The following GRID2 variants were observed in gnomAD, a reference collection of about 807,000 sequenced individuals.
The protein encoded by GRID2 is glutamate receptor ionotropic, delta-2.
GRID2 carries 33 observed loss-of-function variants against 114.8 expected under a neutral mutation model. The ratio of observed to expected loss-of-function variants is 0.29; its 90% CI spans 0.22 to 0.38. GRID2 has a LOEUF of 0.38. GRID2 is among the 10% of genes least tolerant of loss of function. The probability of loss-of-function intolerance (pLI) is 1.00; values close to 1 mark genes in which losing one functional copy is unlikely to be tolerated. For missense variants in GRID2, 1,184 were observed against 1,257.7 expected, an observed-to-expected ratio of 0.94 and a Z score of 0.89; for synonymous variants, 505 against 449.9, an observed-to-expected ratio of 1.12 and a Z score of -1.55.
chr4:92,622,237 T>G (rs1259580053), intron 2 of GRID2, among the ~76,000 whole-genome samples: 1 of 151,798 alleles, frequency 6.6e-6, no homozygotes, highest in Non-Finnish European at 1.5e-5. Flanking sequence ...TTTCATATTT[T>G]CCTGTAATAT....
At position 92,802,892 on chromosome 4, in the gene GRID2, G is replaced by A. The variant is rs114653609; in HGVS notation, c.244+212606G>A. On this transcript the variant is annotated intron_variant, in intron 2 of 15. Coordinates refer to ENST00000282020, the MANE Select transcript of GRID2 (RefSeq NM_001510.4). Reference sequence around the variant, plus strand: ...AGAATAAGTCTGAACCACTAGGAATGGTATCACTGCTGCATTTTTCTATTT... The same window carrying A: ...AGAATAAGTCTGAACCACTAGGAATAGTATCACTGCTGCATTTTTCTATTT... Among the ~76,000 whole-genome samples, 1,393 of 151,940 alleles carry A rather than the reference G, an allele frequency of 9.2e-3. 16 individuals are homozygous for A. Among genetic ancestry groups the A allele is most frequent in the African/African-American group, 0.032 (1,328 of 41,474 alleles).
chr4:93,609,229 T>A (rs1038617154), intron 13 of GRID2, among the ~76,000 whole-genome samples: 1 of 85,642 alleles, frequency 1.2e-5, no homozygotes, highest in South Asian at 3.6e-4. Flanking sequence ...GTCAGATGAG[T>A]AGGTTGCAAA....
chr4:92,924,738 C>G (rs1051030890), intron 2 of GRID2, among the ~76,000 whole-genome samples: 4 of 152,240 alleles, frequency 2.6e-5, no homozygotes, highest in Middle Eastern at 3.4e-3. Context: ...GTCTGATATT[C>G]AGCCTTTCAT....
At chr4:93,149,401 T>C (rs1736540689) in intron 4 of GRID2, among the ~76,000 whole-genome samples, 1 of 151,780 alleles carries the variant, frequency 6.6e-6, no homozygotes. Flanking sequence ...TGGTGAGAAG[T>C]TGTCTCTAGT....
chr4:92,882,391 C>T (rs1004690095), intron 2 of GRID2, among the ~76,000 whole-genome samples: 1 of 152,080 alleles, frequency 6.6e-6, no homozygotes, highest in Non-Finnish European at 1.5e-5. Context: ...TTTTACAGAT[C>T]TTAGGAAGCA....
intron 1 of GRID2, among the ~76,000 whole-genome samples, chr4:92,429,351 G>T (rs1732323818): frequency 6.6e-6 from 1 of 152,124 alleles, no homozygotes; most frequent in Non-Finnish European, 1.5e-5. Flanking sequence ...TGTGAACTTT[G>T]TCTTTCTGCG....
chr4:93,293,289 A>G (rs1280739926), intron 8 of GRID2, among the ~76,000 whole-genome samples: 1 of 152,188 alleles, frequency 6.6e-6, no homozygotes, highest in Non-Finnish European at 1.5e-5. Flanking sequence ...CTGGACAGCT[A>G]TCTACATCCG....
At chr4:92,360,796 A>T (rs1728579411) in intron 1 of GRID2, among the ~76,000 whole-genome samples, 1 of 151,976 alleles carries the variant, frequency 6.6e-6, no homozygotes, top group African/African-American at 2.4e-5. Context: ...TATCTCTTAA[A>T]AAATCACATT....
intron 2 of GRID2, among the ~76,000 whole-genome samples, chr4:92,708,392 A>G (rs751287623): frequency 3.9e-5 from 6 of 152,086 alleles, no homozygotes; most frequent in African/African-American, 1.4e-4. Flanking sequence ...TTCTGTCGTT[A>G]TTTCCTGGGG....
At chr4:93,339,883 C>T (rs1044798824) in intron 8 of GRID2, among the ~76,000 whole-genome samples, 5 of 152,000 alleles carry the variant, frequency 3.3e-5, no homozygotes, top group Non-Finnish European at 7.4e-5. Flanking sequence ...GGGGAAAAAA[C>T]CCTTATAAAA....
intron 11 of GRID2, among the ~76,000 whole-genome samples, chr4:93,464,447 A>G (rs1560647559): frequency 6.6e-6 from 1 of 152,146 alleles, no homozygotes; most frequent in Non-Finnish European, 1.5e-5. Context: ...TTAAAACCCA[A>G]TTATCATGGA....
chr4:93,623,645 C>A (rs1040055448), intron 13 of GRID2, among the ~76,000 whole-genome samples: 1 of 152,258 alleles, frequency 6.6e-6, no homozygotes, highest in African/African-American at 2.4e-5. Flanking sequence ...CTATGGAATA[C>A]TATGCAGTCT....
intron 2 of GRID2, among the ~76,000 whole-genome samples, chr4:93,002,573 C>T (rs1721109078): frequency 6.6e-6 from 1 of 151,250 alleles, no homozygotes; most frequent in Admixed American, 6.6e-5. Context: ...TAAATTTGGT[C>T]AAAAGAGAAA....
intron 2 of GRID2, among the ~76,000 whole-genome samples, chr4:92,948,807 A>G (rs1751828713): frequency 6.6e-6 from 1 of 152,040 alleles, no homozygotes; most frequent in Admixed American, 6.6e-5. Flanking sequence ...CAGAGATATC[A>G]CATGAGAATG....
chr4:93,499,191 A>G (rs182417928), intron 12 of GRID2, among the ~76,000 whole-genome samples: 197 of 151,766 alleles, frequency 1.3e-3, no homozygotes, highest in African/African-American at 4.7e-3. Context: ...TTTTCTTCCC[A>G]TTATTGATTC....
intron 13 of GRID2, among the ~76,000 whole-genome samples, chr4:93,547,260 G>T (rs934159531): frequency 1.3e-5 from 2 of 152,052 alleles, no homozygotes; most frequent in African/African-American, 2.4e-5. Context: ...CTAGTGATGG[G>T]GAATGGGGGA....
intron 8 of GRID2, among the ~76,000 whole-genome samples, chr4:93,326,511 T>C (rs1257239058): frequency 5.9e-5 from 9 of 151,844 alleles, no homozygotes; most frequent in African/African-American, 7.3e-5. Flanking sequence ...GATTCTCCAA[T>C]AGAGAATAGA....
At chr4:93,235,344 C>T (rs1030160069) in intron 7 of GRID2, among the ~76,000 whole-genome samples, 2 of 152,050 alleles carry the variant, frequency 1.3e-5, no homozygotes, top group Non-Finnish European at 2.9e-5. Context: ...CTACCAATGT[C>T]CCATTAGCTT....
chr4:92,936,519 A>G (rs958494619), intron 2 of GRID2, among the ~76,000 whole-genome samples: 7 of 146,342 alleles, frequency 4.8e-5, no homozygotes, highest in African/African-American at 1.7e-4. Context: ...TTTTCATGAA[A>G]TTATTATCTA....
Sources: allele counts gnomAD v4.1 joint callset (sites outside exome capture counted in the v4.1 genomes callset), GRCh38; gene constraint gnomAD v4.1.1; transcripts MANE v1.5; gene names NCBI Gene and HGNC (gene_info 2026-07-23, HGNC 2026-07-21).